Variants in FCRL6 observed in about 807,000 individuals in gnomAD.
FCRL6 encodes the protein Fc receptor-like protein 6.
A neutral mutation model predicts 49.1 loss-of-function variants in FCRL6; 50 were observed. The ratio of observed to expected loss-of-function variants is 1.02; its 90% CI spans 0.81 to 1.29. FCRL6 has a LOEUF of 1.29. FCRL6 is among the 50% of genes most tolerant of loss of function. FCRL6 has a pLI of 0.00. For synonymous variants in FCRL6, 213 were observed against 199.6 expected (o/e 1.07, Z -0.57); for missense variants, 571 against 518.5 (o/e 1.10, Z -0.98).
chr1:159,805,836 A>T (rs1163396674), intron 1 of FCRL6, among the ~76,000 whole-genome samples: 1 of 152,104 alleles, frequency 6.6e-6, no homozygotes, highest in East Asian at 1.9e-4. Flanking sequence ...CTCTGTGGAG[A>T]GATGGGACCA....
At chr1:159,802,621 G>T (rs1259925525) in intron 1 of FCRL6, among the ~76,000 whole-genome samples, 166 bp downstream of exon 1, 1 of 152,180 alleles carries the variant, frequency 6.6e-6, no homozygotes, top group Non-Finnish European at 1.5e-5. Flanking sequence ...GGGCACTGGG[G>T]TAGGAGAAAC....
At chr1:159,813,623 AG>A (rs1663215267) in intron 7 of FCRL6, 69 bp downstream of exon 7, 2 of 1,374,062 alleles carry the variant, frequency 1.5e-6, no homozygotes, top group African/African-American at 1.4e-5. Context: ...GGAAGTAAGA[AG>A]GGAGCTCTCC....
Position 159,808,328 on chromosome 1 carries a change from T to A in FCRL6, c.203T>A (p.Leu68Gln). Residue 68 changes from leucine (L) to glutamine (Q), a missense_variant, in exon 3 of 10, where the codon CTG becomes CAG. Physicochemically the swap from Leu to Gln is moderately radical, Grantham distance 113. Transcript: ENST00000368106. ...CATTTCTCTAAGGAAAACCAGACTC[T>A]GTCCATGGGAGCAGCAACAGTGCAG... ...FLHFSKENQT[L>Q]SMGAATVQSR... The A allele has an allele frequency of 6.2e-7, 1 of 1,614,258 alleles. No individual in the cohort carries two copies. The highest frequency in any genetic ancestry group is 8.5e-7 in the Non-Finnish European group (1 of 1,180,044).
rs1439402310 is a variant in FCRL6 at position 159,815,735 on chromosome 1, A to G, written c.*74A>G. ...CCTCAGGAAGACAGTGGGGTCCTCA[A>G]CTCTTTCTGTGGGTCCTTCAGTTCC... On this transcript the variant is annotated 3_prime_UTR_variant, in exon 10 of 10. Transcript: ENST00000368106. The G allele has an allele frequency of 3.2e-6, 5 of 1,571,728 alleles. No individual in the cohort carries two copies. In the African/African-American group the frequency reaches 6.8e-5, roughly 21 times the overall value.
Position 159,806,888 on chromosome 1 carries a change from CTG to C in FCRL6, c.52+274_52+275del, listed in dbSNP as rs1361568850. ...ATACCCTTAAAAGTGTCTGTGGCCT[CTG>C]TCTTCTCTTCAAGTGGTTCTGGAGC... is the stretch of plus-strand genomic sequence containing the variant. On this transcript the variant is annotated intron_variant, in intron 2 of 9. Transcript: ENST00000368106. Among the ~76,000 whole-genome samples, 5 of 152,332 alleles carry C rather than the reference CTG, an allele frequency of 3.3e-5. No individual in the cohort carries two copies. In the South Asian group the frequency reaches 8.3e-4, roughly 25 times the overall value.
rs1456312123 is a variant in FCRL6 at position 159,808,326 on chromosome 1, T to C, written c.201T>C (p.Thr67=). 1.2e-6 allele frequency: 2 copies of C among 1,614,224 alleles called. No individual in the cohort carries two copies. The highest frequency in any genetic ancestry group is 8.5e-7 in the Non-Finnish European group (1 of 1,180,026). The part of the protein sequence containing the change: ...KFLHFSKENQ[T]LSMGAATVQS... ...TTCATTTCTCTAAGGAAAACCAGAC[T>C]CTGTCCATGGGAGCAGCAACAGTGC... is the stretch of plus-strand genomic sequence containing the variant. Residue 67 remains threonine, a synonymous_variant, in exon 3 of 10, where the codon ACT becomes ACC. Coordinates refer to ENST00000368106, the MANE Select transcript of FCRL6 (RefSeq NM_001004310.3).
At chr1:159,801,284 C>T (rs1662318465), upstream of FCRL6, among the ~76,000 whole-genome samples, 2 of 152,320 alleles carry the variant, frequency 1.3e-5, no homozygotes, top group African/African-American at 4.8e-5. Context: ...AGTGAAAATG[C>T]TGAGCCATCA....
At chr1:159,804,032 A>G (rs1281568565) in intron 1 of FCRL6, among the ~76,000 whole-genome samples, 1 of 152,142 alleles carries the variant, frequency 6.6e-6, no homozygotes, top group Non-Finnish European at 1.5e-5. Context: ...TGAAATATGT[A>G]TTTAAAGTTT....
In FCRL6 at chr1:159,808,268, C is replaced by T. The variant is rs1322274102; in HGVS notation, c.143C>T (p.Ser48Phe). The T allele has an allele frequency of 6.2e-7, 1 of 1,613,778 alleles. No homozygotes were observed. The highest frequency in any genetic ancestry group is 1.1e-5 in the South Asian group (1 of 91,086). ...CAGGGATGGAAGAATACACCACTGT[C>T]TCAGGTGAAGTTCTACAGAGATGGA... is the stretch of plus-strand genomic sequence containing the variant. The part of the protein sequence containing the change: ...RCQGWKNTPL[S>F]QVKFYRDGKF... The change falls in exon 3 of 10, where the codon TCT becomes TTT. Residue 48 changes from serine (S) to phenylalanine (F), a missense_variant. Physicochemically the swap from Ser to Phe is radical, Grantham distance 155 (BLOSUM62 -2). Transcript: ENST00000368106.
intron 6 of FCRL6, among the ~76,000 whole-genome samples, chr1:159,811,892 T>C (rs911654925): frequency 2.6e-5 from 4 of 152,192 alleles, no homozygotes; most frequent in African/African-American, 9.7e-5. Context: ...GGTGTTTCTG[T>C]TTCTGTCCAC....
At chr1:159,814,579 A>G (rs575894014) in intron 8 of FCRL6, among the ~76,000 whole-genome samples, 1 of 152,268 alleles carries the variant, frequency 6.6e-6, no homozygotes, top group East Asian at 1.9e-4. Context: ...CATTCTCAAC[A>G]TCATCTCCTC....
At position 159,815,686 on chromosome 1, in the gene FCRL6, C is replaced by G. The variant is rs201852570; in HGVS notation, c.*25C>G. On this transcript the variant is annotated 3_prime_UTR_variant, in exon 10 of 10. Transcript: ENST00000368106. ...GTGATGGTGTTCTCCTATCAACACA[C>G]GCCCACCCCCAGTCTCCAGTGCTCC... 1 of 1,612,996 alleles carries G rather than the reference C, an allele frequency of 6.2e-7. No homozygotes were observed. Among genetic ancestry groups the G allele is most frequent in the Non-Finnish European group, 8.5e-7 (1 of 1,179,760 alleles).
chr1:159,803,927 G>T (rs547215081), intron 1 of FCRL6, among the ~76,000 whole-genome samples: 29 of 152,280 alleles, frequency 1.9e-4, no homozygotes, highest in Middle Eastern at 6.8e-3. Flanking sequence ...GCAGGGTGTG[G>T]TCATAATAAA....
At position 159,808,223 on chromosome 1, in the gene FCRL6, A is replaced by T. The variant is rs185267666; in HGVS notation, c.98A>T (p.Asp33Val). ...TGGCCAAACCCTGTGTTTGAAGGAG[A>T]TGCCCTGACTCTGCGATGTCAGGGA... ...QAWPNPVFEG[D>V]ALTLRCQGWK... Residue 33 changes from aspartate (D) to valine (V), a missense_variant, in exon 3 of 10, where the codon GAT becomes GTT. Transcript: ENST00000368106. 1.1e-4 allele frequency: 170 copies of T among 1,614,002 alleles called. No homozygotes were observed. Among genetic ancestry groups the T allele is most frequent in the Middle Eastern group, 9.9e-4 (6 of 6,058 alleles).
chr1:159,809,727 G>T (rs1662977365), intron 5 of FCRL6, 44 bp downstream of exon 5: 3 of 1,565,274 alleles, frequency 1.9e-6, no homozygotes, highest in South Asian at 2.3e-5. Context: ...CAGCAAGCTG[G>T]CAGGGGTCAG....
In FCRL6 at chr1:159,815,768, A is replaced by G. The variant is rs1663371888; in HGVS notation, c.*107A>G. The stretch of plus-strand genomic sequence containing the variant: ...TGTGGGTCCTTCAGTTCCCAAGCCC[A>G]GCATCACAGAGCCCCCTGAGCCCTT... On this transcript the variant is annotated 3_prime_UTR_variant, in exon 10 of 10. Coordinates refer to ENST00000368106, the MANE Select transcript of FCRL6 (RefSeq NM_001004310.3). 2.2e-6 allele frequency: 3 copies of G among 1,379,920 alleles called. No homozygotes were observed. The highest frequency in any genetic ancestry group is 3.6e-5 in the Admixed American group (2 of 55,410). 85.5% of individuals were successfully genotyped at this position (1,379,920 alleles called of 1,614,324 possible).
chr1:159,802,491 A>T, intron 1 of FCRL6, 36 bp downstream of exon 1: 1 of 1,587,250 alleles, frequency 6.3e-7, no homozygotes, highest in Non-Finnish European at 8.6e-7. Context: ...CTCTTGGAGC[A>T]CTAAGGACCG....
At position 159,808,572 on chromosome 1, in the gene FCRL6, G is replaced by A. The variant is rs957828670; in HGVS notation, c.319+128G>A. ...CCCTCATGCTGGGCCAATGTGTGGG[G>A]CCCCGAGGTTTCCCAAGATGTTGTC... is the stretch of plus-strand genomic sequence containing the variant. On this transcript the variant is annotated intron_variant, in intron 3 of 9. Transcript: ENST00000368106. 1.5e-5 allele frequency: 17 copies of A among 1,139,234 alleles called. No homozygotes were observed. In the African/African-American group the frequency reaches 2.5e-4, roughly 17 times the overall value. 70.6% of individuals were successfully genotyped at this position (1,139,234 alleles called of 1,614,324 possible).
rs1006028741 is a variant in FCRL6, at chr1:159,814,085, A to T, written c.1076-136A>T. On this transcript the variant is annotated intron_variant, in intron 7 of 9. Transcript: ENST00000368106. ...CCCTTGCCATGATGGCTATCCCCACATTAGTGACCAACCCTCATTGCCACT... is the reference window on the plus strand; with the variant it reads ...CCCTTGCCATGATGGCTATCCCCACTTTAGTGACCAACCCTCATTGCCACT... 2.0e-5 allele frequency: 16 copies of T among 783,662 alleles called. No homozygotes were observed. In the African/African-American group the frequency reaches 2.4e-4, roughly 12 times the overall value. The allele number at this position is 783,662 out of a possible 1,614,324, so 48.5% of individuals were successfully genotyped here.
Sources: gnomAD v4.1 joint callset for allele counts (sites outside exome capture counted in the v4.1 genomes callset) on GRCh38, gnomAD v4.1.1 for gene constraint, MANE v1.5 for transcripts, NCBI Gene and HGNC (gene_info 2026-07-23, HGNC 2026-07-21) for gene names.